The following NSMAF variants were observed in gnomAD, a reference collection of about 807,000 sequenced individuals.
The protein encoded by NSMAF is protein FAN.
A neutral mutation model predicts 134.9 loss-of-function variants in NSMAF; 90 were observed. The observed-to-expected ratio is 0.67, with a 90% CI of 0.56 to 0.79. NSMAF has a LOEUF of 0.79. Ranked by LOEUF, NSMAF falls within the 30% of genes least tolerant of loss-of-function variation. NSMAF has a pLI of 0.00. For missense variants in NSMAF, 1,010 were observed against 1,119.0 expected (o/e 0.90, Z 1.39); for synonymous variants, 358 against 389.6 (o/e 0.92, Z 0.96).
At chr8:58,640,206 A>G (rs1807302839) in intron 2 of NSMAF, 1 of 356,076 alleles carries the variant, frequency 2.8e-6, no homozygotes, top group Non-Finnish European at 5.7e-6. Flanking sequence ...CACACACACA[A>G]AAGAAGGTAA....
chr8:58,624,410 C>A (rs945591803), intron 6 of NSMAF, among the ~76,000 whole-genome samples: 2 of 151,920 alleles, frequency 1.3e-5, no homozygotes. Context: ...ATTCTATAAA[C>A]TTCCCTGTTT....
In NSMAF at chr8:58,609,712, C is replaced by G; in HGVS notation, c.579G>C (p.Lys193Asn). The part of the protein sequence containing the change: ...DKNRFQNISE[K>N]LHMECKAEMV... ...TTTCTGCTTTGCATTCCATGTGCAG[C>G]TTTTCAGAAATGTTTTGGAACCTGA... is the stretch of plus-strand genomic sequence containing the variant. The change falls in exon 10 of 31, where the codon AAG (lysine) becomes AAC (asparagine). Residue 193 changes from lysine to asparagine, a missense_variant. Physicochemically the swap from Lys to Asn is moderately conservative, Grantham distance 94. Coordinates refer to ENST00000038176, the MANE Select transcript of NSMAF (RefSeq NM_003580.4). 1 of 1,614,122 alleles carries G rather than the reference C, an allele frequency of 6.2e-7. No individual in the cohort carries two copies. Among genetic ancestry groups the G allele is most frequent in the African/African-American group, 1.3e-5 (1 of 75,056 alleles).
At chr8:58,605,384 C>T (rs1036619230) in intron 12 of NSMAF, among the ~76,000 whole-genome samples, 1 of 152,122 alleles carries the variant, frequency 6.6e-6, no homozygotes, top group African/African-American at 2.4e-5. Flanking sequence ...AGTCTTGGTT[C>T]TCATAAACTA....
chr8:58,628,537 C>T (rs1010663818), intron 6 of NSMAF, among the ~76,000 whole-genome samples: 9 of 152,042 alleles, frequency 5.9e-5, no homozygotes, highest in African/African-American at 1.9e-4. Flanking sequence ...GGTTTTTATA[C>T]TTTTGTCTTT....
At position 58,620,701 on chromosome 8, in the gene NSMAF, C is replaced by T. The variant is rs547298119; in HGVS notation, c.557+2519G>A. On this transcript the variant is annotated intron_variant, in intron 9 of 30. Transcript: ENST00000038176. ...TTATTGAAAACTCTTTTGCTTGTTACTGTTCTAGGAGCTGGTTGGTGGGCA... is the reference window on the plus strand; with the variant it reads ...TTATTGAAAACTCTTTTGCTTGTTATTGTTCTAGGAGCTGGTTGGTGGGCA... Among the ~76,000 whole-genome samples the T allele has an allele frequency of 3.3e-5, 5 of 152,214 alleles. No individual in the cohort carries two copies. The South Asian group carries it at 8.3e-4, about 25-fold the overall frequency.
intron 14 of NSMAF, 99 bp from the exon 15 acceptor site, chr8:58,601,634 A>T (rs765472418): frequency 3.6e-6 from 5 of 1,400,156 alleles, no homozygotes; most frequent in East Asian, 2.5e-5. Flanking sequence ...ACATAGATAT[A>T]CCATATTCCT....
At chr8:58,649,891 C>T (rs1298743431) in intron 1 of NSMAF, among the ~76,000 whole-genome samples, 2 of 152,208 alleles carry the variant, frequency 1.3e-5, no homozygotes, top group African/African-American at 4.8e-5. Flanking sequence ...AGCAGCATGA[C>T]GTTCATGCTG....
At position 58,659,819 on chromosome 8, in the gene NSMAF, G is replaced by A. The variant is rs1807824357; in HGVS notation, c.-188C>T. The A allele has an allele frequency of 9.9e-6, 3 of 304,498 alleles. No homozygotes were observed. The highest frequency in any genetic ancestry group is 5.7e-5 in the East Asian group (1 of 17,454). The allele number at this position is 304,498 out of a possible 1,614,324, so 18.9% of individuals were successfully genotyped here. ...ACGCGGCGTCCCGGCCGCGCTCACC[G>A]CAGCATCCTCGCGTGGGGACTCCGG... On this transcript the variant is annotated 5_prime_UTR_variant, in exon 1 of 31. Coordinates refer to ENST00000038176, the MANE Select transcript of NSMAF (RefSeq NM_003580.4).
chr8:58,638,573 C>G (rs1196079491), intron 2 of NSMAF, among the ~76,000 whole-genome samples: 1 of 151,644 alleles, frequency 6.6e-6, no homozygotes, highest in Non-Finnish European at 1.5e-5. Context: ...ACTAGATATC[C>G]CCGTGGAAAA....
At chr8:58,630,595 G>A (rs952240216) in intron 6 of NSMAF, among the ~76,000 whole-genome samples, 4 of 152,124 alleles carry the variant, frequency 2.6e-5, no homozygotes, top group South Asian at 2.1e-4. Context: ...AGCAGTGTAC[G>A]AGAGGCATTT....
At chr8:58,655,965 C>T (rs1470135388) in intron 1 of NSMAF, among the ~76,000 whole-genome samples, 2 of 152,036 alleles carry the variant, frequency 1.3e-5, no homozygotes, top group East Asian at 3.9e-4. Flanking sequence ...AACACCTGCA[C>T]AGGACATTTT....
chr8:58,656,029 G>T lies in NSMAF; in HGVS notation c.59+3544C>A, dbSNP rs1385065460. Among the ~76,000 whole-genome samples, 1,141 of 150,908 alleles carry T rather than the reference G, an allele frequency of 7.6e-3. 19 individuals are homozygous for T. Among genetic ancestry groups the T allele is most frequent in the African/African-American group, 0.026 (1,070 of 40,856 alleles). On this transcript the variant is annotated intron_variant, in intron 1 of 30. Coordinates refer to ENST00000038176, the MANE Select transcript of NSMAF (RefSeq NM_003580.4). ...TGCTATCTAAATCTTTTTTTTGTTT[G>T]TTTGTTTGAGATGGAGTCTCGCTCT...
chr8:58,645,129 AG>A (rs1257601746), intron 1 of NSMAF, among the ~76,000 whole-genome samples: 25 of 151,180 alleles, frequency 1.7e-4, no homozygotes, highest in African/African-American at 5.1e-4. Flanking sequence ...AAAAAAAAAA[AG>A]AAATTGCAGT....
intron 1 of NSMAF, among the ~76,000 whole-genome samples, chr8:58,658,219 G>A (rs1348373421): frequency 6.6e-6 from 1 of 152,136 alleles, no homozygotes; most frequent in African/African-American, 2.4e-5. Flanking sequence ...CTCCACTCAA[G>A]CTCTTTCCAC....
intron 9 of NSMAF, among the ~76,000 whole-genome samples, chr8:58,618,257 C>G (rs1806708615): frequency 6.6e-6 from 1 of 151,912 alleles, no homozygotes; most frequent in African/African-American, 2.4e-5. Flanking sequence ...ACATGTATAC[C>G]TATGTATCAA....
chr8:58,655,744 A>G (rs1380094249), intron 1 of NSMAF, among the ~76,000 whole-genome samples: 1 of 151,724 alleles, frequency 6.6e-6, no homozygotes, highest in Admixed American at 6.6e-5. Context: ...CGTCTCTACT[A>G]AAAATACAAA....
chr8:58,612,079 T>C (rs957128787), intron 9 of NSMAF, among the ~76,000 whole-genome samples: 5 of 152,176 alleles, frequency 3.3e-5, no homozygotes, highest in African/African-American at 7.2e-5. Context: ...ATTCCTGACA[T>C]AGACCTCCTA....
intron 6 of NSMAF, 23 bp from the exon 7 acceptor site, chr8:58,623,803 A>G (rs576688881): frequency 6.3e-7 from 1 of 1,577,540 alleles, no homozygotes; most frequent in Admixed American, 1.7e-5. Context: ...GGAAGATATC[A>G]AAATACAGGA....
chr8:58,620,185 G>A (rs1377991095), intron 9 of NSMAF, among the ~76,000 whole-genome samples: 1 of 152,144 alleles, frequency 6.6e-6, no homozygotes, highest in Non-Finnish European at 1.5e-5. Flanking sequence ...GAGCACCATA[G>A]GTAGGTACTT....
Sources: allele counts gnomAD v4.1 joint callset (sites outside exome capture counted in the v4.1 genomes callset), GRCh38; gene constraint gnomAD v4.1.1; transcripts MANE v1.5; gene names NCBI Gene and HGNC (gene_info 2026-07-23, HGNC 2026-07-21).